DIS3L2: variants seen among roughly 807,000 people sequenced by gnomAD.
DIS3L2 encodes DIS3-like exonuclease 2.
In DIS3L2, 34 loss-of-function variants were observed where a neutral mutation model predicts 97.5. The observed-to-expected ratio is 0.35, with a 90% CI of 0.27 to 0.46. DIS3L2 has a LOEUF of 0.46. Among genes scored for constraint, DIS3L2 ranks in the 20% least tolerant of loss-of-function variants. DIS3L2 has a pLI of 1.00. For missense variants in DIS3L2, 1,038 were observed against 1,146.0 expected, an observed-to-expected ratio of 0.91 and a Z score of 1.36; for synonymous variants, 435 against 445.2, an observed-to-expected ratio of 0.98 and a Z score of 0.29.
intron 1 of DIS3L2, among the ~76,000 whole-genome samples, chr2:231,985,331 TA>T (rs1187571459): frequency 6.6e-6 from 1 of 152,230 alleles, no homozygotes; most frequent in Non-Finnish European, 1.5e-5. Flanking sequence ...AATCATATAG[TA>T]TGTAACCTTT....
At chr2:232,294,217 G>A (rs1268415710) in intron 13 of DIS3L2, among the ~76,000 whole-genome samples, 1 of 152,188 alleles carries the variant, frequency 6.6e-6, no homozygotes, top group Non-Finnish European at 1.5e-5. Context: ...GCCCTGATTG[G>A]CTTAGGTTTC....
intron 6 of DIS3L2, among the ~76,000 whole-genome samples, chr2:232,114,916 C>T (rs989990384): frequency 1.3e-5 from 2 of 152,124 alleles, no homozygotes; most frequent in African/African-American, 4.8e-5. Flanking sequence ...GGTCAAGGGG[C>T]TGCATCTAGT....
intron 13 of DIS3L2, among the ~76,000 whole-genome samples, chr2:232,295,409 C>T (rs1302670800): frequency 1.3e-5 from 2 of 152,162 alleles, no homozygotes; most frequent in African/African-American, 2.4e-5. Context: ...TATCGCTGCC[C>T]ATCTTCCTTC....
rs13002182 is a variant in DIS3L2, at chr2:232,187,834, G to A, written c.1125-22492G>A. Among the ~76,000 whole-genome samples, 322 of 152,250 alleles carry A rather than the reference G, an allele frequency of 2.1e-3. 2 individuals are homozygous for A. The highest frequency in any genetic ancestry group is 7.3e-3 in the African/African-American group (304 of 41,548). On this transcript the variant is annotated intron_variant, in intron 9 of 20. Coordinates refer to ENST00000325385, the MANE Select transcript of DIS3L2 (RefSeq NM_152383.5). ...GAGGATTGCTTGAGGCCAGGAGATCGAGACCAGCCTGGGCAACATAATAAG... is the reference window on the plus strand; with the variant it reads ...GAGGATTGCTTGAGGCCAGGAGATCAAGACCAGCCTGGGCAACATAATAAG...
intron 5 of DIS3L2, among the ~76,000 whole-genome samples, chr2:232,049,324 A>G (rs956264098): frequency 6.6e-6 from 1 of 152,220 alleles, no homozygotes; most frequent in Admixed American, 6.5e-5. Context: ...TCTTTGTACT[A>G]CCAGGTTGCT....
At chr2:232,008,782 G>A (rs1209513436) in intron 1 of DIS3L2, among the ~76,000 whole-genome samples, 1 of 152,142 alleles carries the variant, frequency 6.6e-6, no homozygotes, top group African/African-American at 2.4e-5. Flanking sequence ...GATCAGTTGT[G>A]GGTTCAAAAG....
intron 1 of DIS3L2, among the ~76,000 whole-genome samples, chr2:231,971,605 C>G (rs1189550080): frequency 6.6e-6 from 1 of 152,046 alleles, no homozygotes; most frequent in African/African-American, 2.4e-5. Flanking sequence ...CCGCCACCAC[C>G]CCTGGCTAAT....
At chr2:232,330,019 G>C (rs1259703702) in intron 15 of DIS3L2, 23 bp downstream of exon 15, 60 of 1,587,820 alleles carry the variant, frequency 3.8e-5, no homozygotes, top group Non-Finnish European at 4.6e-5. Flanking sequence ...CAGGATTCGG[G>C]GGAGGCCCTG....
intron 14 of DIS3L2, among the ~76,000 whole-genome samples, chr2:232,304,641 C>T (rs1050657362): frequency 6.6e-6 from 1 of 152,214 alleles, no homozygotes; most frequent in Admixed American, 6.5e-5. Flanking sequence ...GACTGTGGAG[C>T]TGCTTTGCAA....
chr2:232,127,563 A>T (rs1193829537), intron 6 of DIS3L2, among the ~76,000 whole-genome samples: 2 of 152,170 alleles, frequency 1.3e-5, no homozygotes, highest in African/African-American at 4.8e-5. Context: ...GCCTGCTCTT[A>T]TCTTGCCCTG....
At chr2:232,267,305 C>T (rs1177384907) in intron 13 of DIS3L2, among the ~76,000 whole-genome samples, 2 of 152,222 alleles carry the variant, frequency 1.3e-5, no homozygotes, top group African/African-American at 2.4e-5. Flanking sequence ...GGTGGGATTA[C>T]CTGCTCCAAA....
intron 9 of DIS3L2, among the ~76,000 whole-genome samples, chr2:232,179,804 A>G (rs1691214522): frequency 1.1e-5 from 1 of 93,180 alleles, no homozygotes; most frequent in Non-Finnish European, 1.8e-5. Context: ...TTGTGTCTCT[A>G]TTTCCTTCAG....
intron 19 of DIS3L2, 162 bp downstream of exon 19, chr2:232,334,897 G>T: frequency 1.6e-6 from 1 of 620,894 alleles, no homozygotes. Flanking sequence ...CTCCCACCTG[G>T]GATGGTGGCT....
chr2:232,316,968 CT>C (rs2106335718), intron 14 of DIS3L2, among the ~76,000 whole-genome samples: 1 of 152,178 alleles, frequency 6.6e-6, no homozygotes, highest in South Asian at 2.1e-4. Context: ...GGCTTTTTTC[CT>C]GGTGAATTTC....
chr2:232,265,970 T>C (rs1693847352), intron 13 of DIS3L2, among the ~76,000 whole-genome samples: 1 of 152,252 alleles, frequency 6.6e-6, no homozygotes, highest in Admixed American at 6.5e-5. Flanking sequence ...CATTTAGTGA[T>C]GGGTTTGTCT....
intron 5 of DIS3L2, among the ~76,000 whole-genome samples, chr2:232,052,595 CAGA>C (rs984562422): frequency 6.6e-6 from 1 of 152,182 alleles, no homozygotes; most frequent in Non-Finnish European, 1.5e-5. Flanking sequence ...GCACCACATA[CAGA>C]AGGTCTTTGA....
At chr2:232,265,651 G>A (rs1372004476) in intron 13 of DIS3L2, among the ~76,000 whole-genome samples, 1 of 152,182 alleles carries the variant, frequency 6.6e-6, no homozygotes, top group Non-Finnish European at 1.5e-5. Flanking sequence ...ACATAAAAAA[G>A]AAGCTGTTGT....
At chr2:232,028,400 G>C (rs1234128558) in intron 4 of DIS3L2, among the ~76,000 whole-genome samples, 1 of 152,136 alleles carries the variant, frequency 6.6e-6, no homozygotes, top group Non-Finnish European at 1.5e-5. Flanking sequence ...TTCAGCGACA[G>C]ATCAGTCTTC....
At chr2:232,260,414 A>T (rs1392075611) in intron 12 of DIS3L2, 1 of 152,228 alleles carries the variant, frequency 6.6e-6, no homozygotes, top group African/African-American at 2.4e-5. Flanking sequence ...AGACCTGCAC[A>T]TGGCACTCCC....
Sources: gnomAD v4.1 joint callset for allele counts (sites outside exome capture counted in the v4.1 genomes callset) on GRCh38, gnomAD v4.1.1 for gene constraint, MANE v1.5 for transcripts, NCBI Gene and HGNC (gene_info 2026-07-23, HGNC 2026-07-21) for gene names.